Variants in DNAH5 observed in about 807,000 individuals in gnomAD.
DNAH5 encodes the protein dynein axonemal heavy chain 5.
Under a neutral mutation model 518.2 loss-of-function variants are expected in DNAH5, and 372 were observed. The observed-to-expected ratio is 0.72, with a 90% CI of 0.66 to 0.78. The LOEUF (loss-of-function observed/expected upper bound fraction) is 0.78. Ranked by LOEUF, DNAH5 falls within the 30% of genes least tolerant of loss-of-function variation. The pLI is 0.00. For missense variants in DNAH5, 5,523 were observed against 5,687.0 expected (o/e 0.97, Z 0.93); for synonymous variants, 2,039 against 2,025.9 (o/e 1.01, Z -0.17).
chr5:13,711,220 A>C (rs867579665), intron 75 of DNAH5, among the ~76,000 whole-genome samples: 3 of 152,234 alleles, frequency 2.0e-5, no homozygotes, highest in South Asian at 2.1e-4. Context: ...AACATACGCA[A>C]GTCAATAAAT....
chr5:13,865,893 T>C lies in DNAH5; in HGVS notation c.4130A>G (p.Asn1377Ser). The change falls in exon 27 of 79, where the codon AAT becomes AGT. Residue 1377 changes from asparagine to serine, a missense_variant. This residue lies in a region of DNAH5 where 5,121 missense variants were observed against 5,223.3 expected (regional missense o/e 0.98). Transcript: ENST00000265104. ...ATATGTGATGTATTTCCGATAGATA[T>C]TATCAAATTGATTCTAATAAAAACA... Reference protein sequence around the residue: ...RLIMFQNQFDNIYRKYITYTG... With the variant: ...RLIMFQNQFDSIYRKYITYTG... 1.9e-6 allele frequency: 3 copies of C among 1,594,908 alleles called. No homozygotes were observed. The highest frequency in any genetic ancestry group is 1.1e-5 in the South Asian group (1 of 90,542).
At chr5:13,855,185 T>G (rs1234035253) in intron 30 of DNAH5, among the ~76,000 whole-genome samples, 1 of 151,810 alleles carries the variant, frequency 6.6e-6, no homozygotes, top group African/African-American at 2.4e-5. Flanking sequence ...TCCACATAGA[T>G]TTTCATCATA....
At chr5:13,824,957 T>G (rs1213295379) in intron 38 of DNAH5, among the ~76,000 whole-genome samples, 1 of 152,164 alleles carries the variant, frequency 6.6e-6, no homozygotes. Flanking sequence ...TTTATCCAAT[T>G]ATTGTGAAAA....
At chr5:13,991,328 T>C (rs1185728985) in intron 1 of DNAH5, among the ~76,000 whole-genome samples, 1 of 151,990 alleles carries the variant, frequency 6.6e-6, no homozygotes, top group Non-Finnish European at 1.5e-5. Flanking sequence ...AAGAAAACAG[T>C]TCAGGTGGAC....
rs6868995 is a variant in DNAH5, at chr5:13,839,058, G to A, written c.5882+298C>T. ...TCAAGCAGCCCCCGCAAGGCCCACT[G>A]TGATTTGCACCTGACAACACACAAA... On this transcript the variant is annotated intron_variant, in intron 35 of 78. Transcript: ENST00000265104. 0.15 allele frequency among the ~76,000 whole-genome samples: 22,283 copies of A among 151,246 alleles called. 2,123 individuals are homozygous for A. Among genetic ancestry groups the A allele is most frequent in the South Asian group, 0.26 (1,264 of 4,772 alleles).
intron 17 of DNAH5, among the ~76,000 whole-genome samples, chr5:13,887,412 A>G (rs1772586019): frequency 6.6e-6 from 1 of 151,744 alleles, no homozygotes. Flanking sequence ...AAAAAGAAGT[A>G]ATAAATAGAC....
At position 13,727,528 on chromosome 5, in the gene DNAH5, A is replaced by C; in HGVS notation, c.12012T>G (p.Cys4004Trp). The C allele has an allele frequency of 6.2e-7, 1 of 1,613,568 alleles. No homozygotes were observed. Among genetic ancestry groups the C allele is most frequent in the South Asian group, 1.1e-5 (1 of 91,038 alleles). The change falls in exon 70 of 79, where the codon TGT (cysteine) becomes TGG (tryptophan). Residue 4004 changes from cysteine (C) to tryptophan (W), a missense_variant. Transcript: ENST00000265104. ...FRRLLLIRSW[C>W]PDRTIAQARK... ...TTACCTGGGCGATGGTTCTGTCAGG[A>C]CACCAGGATCTAATAAGGAGAAGAC...
At chr5:13,838,726 A>T (rs1764747559) in intron 35 of DNAH5, among the ~76,000 whole-genome samples, 1 of 152,190 alleles carries the variant, frequency 6.6e-6, no homozygotes, top group South Asian at 2.1e-4. Flanking sequence ...GCTTGAATCA[A>T]CCCGAAACCA....
intron 42 of DNAH5, among the ~76,000 whole-genome samples, chr5:13,817,118 A>G (rs1761548687): frequency 6.6e-6 from 1 of 152,224 alleles, no homozygotes. Flanking sequence ...TTTTTGCTAT[A>G]TACAATTTTC....
intron 67 of DNAH5, 77 bp from the exon 68 acceptor site, chr5:13,735,398 G>C (rs1228703490): frequency 7.2e-7 from 1 of 1,382,250 alleles, no homozygotes; most frequent in East Asian, 2.4e-5. Flanking sequence ...GTCTTTAATG[G>C]AAAATAAGTA....
At chr5:13,848,741 T>A (rs1580566179) in intron 31 of DNAH5, among the ~76,000 whole-genome samples, 1 of 152,152 alleles carries the variant, frequency 6.6e-6, no homozygotes, top group African/African-American at 2.4e-5. Context: ...CTTGCACTAC[T>A]ATGAGACCCT....
chr5:13,806,230 C>T (rs1307268367), intron 47 of DNAH5, among the ~76,000 whole-genome samples: 2 of 151,990 alleles, frequency 1.3e-5, no homozygotes, highest in East Asian at 1.9e-4. Context: ...TTAATGTGTC[C>T]TTTCCCAAAC....
At position 13,944,672 on chromosome 5, in the gene DNAH5, C is replaced by G. The variant is rs998867644; in HGVS notation, c.-234G>C. On this transcript the variant is annotated 5_prime_UTR_variant, in exon 1 of 79. Coordinates refer to ENST00000265104, the MANE Select transcript of DNAH5 (RefSeq NM_001369.3). ...TCTGCCCTGGGCCTCTCCTCTCTCT[C>G]GAAGCCTGGTGTTGTTAGGGTAATA... 10 of 556,342 alleles carry G rather than the reference C, an allele frequency of 1.8e-5. No individual in the cohort carries two copies. Among genetic ancestry groups the G allele is most frequent in the African/African-American group, 1.5e-4 (8 of 52,902 alleles). The allele number at this position is 556,342 out of a possible 1,614,324, so 34.5% of individuals were successfully genotyped here.
At chr5:13,897,045 G>A (rs1774000134) in intron 15 of DNAH5, among the ~76,000 whole-genome samples, 1 of 152,146 alleles carries the variant, frequency 6.6e-6, no homozygotes, top group Non-Finnish European at 1.5e-5. Flanking sequence ...CCCCTCTTGG[G>A]TGGTCACAGC....
chr5:13,950,462 G>C (rs541561953), intron 1 of DNAH5, among the ~76,000 whole-genome samples: 3 of 152,222 alleles, frequency 2.0e-5, no homozygotes, highest in African/African-American at 7.2e-5. Flanking sequence ...TTTTAGTAGA[G>C]ATGGGGTTCC....
intron 11 of DNAH5, among the ~76,000 whole-genome samples, chr5:13,912,827 T>G (rs1331961827): frequency 6.6e-6 from 1 of 151,954 alleles, no homozygotes; most frequent in Non-Finnish European, 1.5e-5. Flanking sequence ...AAATGATTAA[T>G]CGTGACCTTT....
chr5:13,862,860 A>ATAGATATATATATG (rs1554081834), intron 28 of DNAH5, 113 bp from the exon 29 acceptor site: 2 of 287,428 alleles, frequency 7.0e-6, no homozygotes, highest in African/African-American at 4.6e-5. Context: ...ATAAATATAT[A>ATAGATATATATATG]TATAAACTTT....
Position 13,916,398 on chromosome 5 carries a change from T to C in DNAH5, c.1147A>G (p.Ile383Val). The C allele has an allele frequency of 6.5e-7, 1 of 1,549,928 alleles. No individual in the cohort carries two copies. Among genetic ancestry groups the C allele is most frequent in the Non-Finnish European group, 8.9e-7 (1 of 1,123,744 alleles). The stretch of plus-strand genomic sequence containing the variant: ...TCAGAGGTATTATAGTAATGAGAGA[T>C]ACTATAGATCATTTTAATTGCATTT... ...LINAIKMIYSISHYYNTSEKI... is the reference protein window; with the variant it reads ...LINAIKMIYSVSHYYNTSEKI... Residue 383 changes from isoleucine to valine, a missense_variant, in exon 9 of 79, where the codon ATC (isoleucine) becomes GTC (valine). Transcript: ENST00000265104.
rs766943817 is a variant in DNAH5, at chr5:13,716,524, T to G, written c.12872A>C (p.Lys4291Thr). 6.2e-7 allele frequency: 1 copy of G among 1,613,940 alleles called. No individual in the cohort carries two copies. The highest frequency in any genetic ancestry group is 8.5e-7 in the Non-Finnish European group (1 of 1,179,862). ...FSFYQGYNIP[K>T]CSTVDNYLQY... ...AAGATAGTTATCCACTGTGCTGCAT[T>G]TTGGAATATTGTATCCTTGGTAAAA... Residue 4291 changes from lysine to threonine, a missense_variant, in exon 74 of 79, where the codon AAA becomes ACA. Around this residue, in one of 3 missense-constraint regions of DNAH5, gnomAD observed 387 missense variants for 430.0 expected, o/e 0.90. Transcript: ENST00000265104.
Sources: gnomAD v4.1 joint callset for allele counts (sites outside exome capture counted in the v4.1 genomes callset) on GRCh38, gnomAD v4.1.1 for gene constraint, gnomAD v4.1.1 regional missense constraint, MANE v1.5 for transcripts, NCBI Gene and HGNC (gene_info 2026-07-23, HGNC 2026-07-21) for gene names.